The following DISP1 variants were observed in gnomAD, a reference collection of about 807,000 sequenced individuals.
DISP1 encodes protein dispatched homolog 1.
Under a neutral mutation model 37.3 loss-of-function variants are expected in DISP1, and 30 were observed. The ratio of observed to expected loss-of-function variants is 0.80; its 90% confidence interval spans 0.60 to 1.09. The LOEUF (loss-of-function observed/expected upper bound fraction) is 1.09. Among genes scored for constraint, DISP1 ranks in the 50% least tolerant of loss-of-function variants. DISP1 has a pLI of 0.00. For synonymous variants in DISP1, 634 were observed against 690.2 expected (o/e 0.92, Z 1.28); for missense variants, 1,598 against 1,879.5 (o/e 0.85, Z 2.77).
chr1:222,827,063 C>T (rs138269425), intron 1 of DISP1, among the ~76,000 whole-genome samples: 140 of 152,244 alleles, frequency 9.2e-4, no homozygotes, highest in African/African-American at 3.3e-3. Context: ...TCTCACAAGA[C>T]GTTTTCTGCC....
rs140195081 is a variant in DISP1 at position 223,003,308 on chromosome 1, G to A, written c.1911G>A (p.Ala637=). Residue 637 remains alanine, a synonymous_variant, in exon 9 of 9, where the codon GCG becomes GCA. Transcript: ENST00000675850. The surrounding 1 kb of genome is among the most constrained non-coding windows in gnomAD (Gnocchi z 4.3). ...CAATCCGATGCTTTGGGGTTTATGC[G>A]GGGACAGCTATATTGGTGAATTACG... ...ITAIRCFGVY[A]GTAILVNYVL... 5.8e-5 allele frequency: 93 copies of A among 1,614,128 alleles called. No individual in the cohort carries two copies. The African/African-American group carries it at 1.0e-3, about 17-fold the overall frequency.
intron 1 of DISP1, among the ~76,000 whole-genome samples, chr1:222,825,819 C>A (rs1664238338): frequency 6.6e-6 from 1 of 152,072 alleles, no homozygotes; most frequent in African/African-American, 2.4e-5. Flanking sequence ...TAGCCTGTAT[C>A]TCTAATACAT....
intron 3 of DISP1, among the ~76,000 whole-genome samples, chr1:222,977,289 C>T (rs919740415): frequency 6.6e-6 from 1 of 151,324 alleles, no homozygotes; most frequent in African/African-American, 2.4e-5. Flanking sequence ...CAGCTCTGGC[C>T]TCCCAAAGTG....
At chr1:222,859,126 A>G (rs1364691490) in intron 1 of DISP1, among the ~76,000 whole-genome samples, 2 of 152,250 alleles carry the variant, frequency 1.3e-5, no homozygotes, top group Non-Finnish European at 2.9e-5. Flanking sequence ...TGTGATACAT[A>G]TACACCATGG....
chr1:222,821,433 G>T (rs1412091317), intron 1 of DISP1, among the ~76,000 whole-genome samples: 2 of 152,188 alleles, frequency 1.3e-5, no homozygotes, highest in Non-Finnish European at 2.9e-5. Context: ...ATGCGGTTTG[G>T]CTGTGTGTCT....
At chr1:222,919,331 G>T (rs568222072) in intron 1 of DISP1, among the ~76,000 whole-genome samples, 6 of 152,324 alleles carry the variant, frequency 3.9e-5, no homozygotes, top group Admixed American at 2.6e-4. Flanking sequence ...GCTGAGGGAA[G>T]TCACGCCCCG....
intron 1 of DISP1, among the ~76,000 whole-genome samples, chr1:222,833,340 C>T (rs1306610331): frequency 6.6e-6 from 1 of 152,194 alleles, no homozygotes; most frequent in Admixed American, 6.5e-5. Context: ...GTACACCCTA[C>T]TTTTTGTTCA....
chr1:222,823,491 A>C (rs1176230617), intron 1 of DISP1, among the ~76,000 whole-genome samples: 1 of 152,182 alleles, frequency 6.6e-6, no homozygotes, highest in Non-Finnish European at 1.5e-5. Context: ...ACATGGAAGC[A>C]GAATGTAGAG....
At chr1:222,854,743 CT>C (rs11389911) in intron 1 of DISP1, among the ~76,000 whole-genome samples, 238 of 142,110 alleles carry the variant, frequency 1.7e-3, no homozygotes, top group Admixed American at 1.5e-3. Context: ...CAGTGTTTTG[CT>C]TTTTTTTTTT....
At chr1:222,963,103 A>T (rs938378864) in intron 3 of DISP1, among the ~76,000 whole-genome samples, 1 of 152,190 alleles carries the variant, frequency 6.6e-6, no homozygotes, top group African/African-American at 2.4e-5. Flanking sequence ...ACCCCATCAA[A>T]ATTGGGCAAA....
intron 2 of DISP1, among the ~76,000 whole-genome samples, chr1:222,937,250 C>T (rs1314712282): frequency 1.3e-4 from 19 of 150,858 alleles, no homozygotes; most frequent in Admixed American, 7.3e-4. Flanking sequence ...CCACCACGCT[C>T]GGCTAATTTC....
chr1:222,987,075 AATAT>A (rs146934603), intron 4 of DISP1, among the ~76,000 whole-genome samples: 1 of 150,500 alleles, frequency 6.6e-6, no homozygotes, highest in African/African-American at 2.4e-5. Context: ...AGCATCATCA[AATAT>A]ATATATATAT....
intron 2 of DISP1, among the ~76,000 whole-genome samples, chr1:222,936,577 A>ATCATATATATGAGATATATATATCTC (rs1558339032): frequency 4.2e-5 from 5 of 118,048 alleles, no homozygotes; most frequent in Non-Finnish European, 6.7e-5. Context: ...TATAATATAT[A>ATCATATATATGAGATATATATATCTC]TCATATATAT....
At chr1:222,907,980 G>C (rs938939251) in intron 1 of DISP1, among the ~76,000 whole-genome samples, 2 of 152,068 alleles carry the variant, frequency 1.3e-5, no homozygotes, top group East Asian at 3.9e-4. Flanking sequence ...ATAAAGATTT[G>C]ATTATTTAGT....
chr1:222,903,193 C>G (rs1299976046), intron 1 of DISP1, among the ~76,000 whole-genome samples: 1 of 149,716 alleles, frequency 6.7e-6, no homozygotes, highest in Non-Finnish European at 1.5e-5. Flanking sequence ...CAAACTATCG[C>G]AAGGACAAAA....
At chr1:222,823,548 G>T (rs2125163018) in intron 1 of DISP1, among the ~76,000 whole-genome samples, 1 of 152,252 alleles carries the variant, frequency 6.6e-6, no homozygotes, top group South Asian at 2.1e-4. Context: ...TGAGGGATGA[G>T]AAATTGTAAA....
At chr1:222,817,672 G>T (rs1276324826) in intron 1 of DISP1, among the ~76,000 whole-genome samples, 1 of 152,206 alleles carries the variant, frequency 6.6e-6, no homozygotes. Context: ...ACACAGGGTT[G>T]ACTGCTTTTA....
rs775595401 is a variant in DISP1 at position 223,003,593 on chromosome 1, G to T, written c.2196G>T (p.Gly732=). The T allele has an allele frequency of 1.2e-6, 2 of 1,614,014 alleles. No individual in the cohort carries two copies. The highest frequency in any genetic ancestry group is 1.7e-6 in the Non-Finnish European group (2 of 1,180,036). Reference sequence around the variant, plus strand: ...GGTTCCTTGCCTTAACTGTAGGTGGGGCCTACATTGTATGTATAAATCCAA... The same window carrying T: ...GGTTCCTTGCCTTAACTGTAGGTGGTGCCTACATTGTATGTATAAATCCAA... ...LFWFLALTVG[G]AYIVCINPKM... Residue 732 remains glycine (G), a synonymous_variant, in exon 9 of 9, where the codon GGG becomes GGT. Coordinates refer to ENST00000675850, the MANE Select transcript of DISP1 (RefSeq NM_001377229.1). The surrounding 1 kb of genome is among the most constrained non-coding windows in gnomAD (Gnocchi z 4.3).
chr1:222,922,708 A>G (rs1021371614), intron 1 of DISP1, among the ~76,000 whole-genome samples: 6 of 152,182 alleles, frequency 3.9e-5, no homozygotes, highest in African/African-American at 1.2e-4. Context: ...GAAGCTGCAG[A>G]AATGGAACTT....
Sources: gnomAD v4.1 joint callset for allele counts (sites outside exome capture counted in the v4.1 genomes callset) on GRCh38, gnomAD v4.1.1 for gene constraint, Gnocchi (gnomAD v3.1) non-coding constraint, MANE v1.5 for transcripts, NCBI Gene and HGNC (gene_info 2026-07-23, HGNC 2026-07-21) for gene names.